ST6GALNAC3: variants seen among roughly 807,000 people sequenced by gnomAD.
ST6GALNAC3 encodes the protein alpha-N-acetylgalactosaminide alpha-2,6-sialyltransferase 3.
ST6GALNAC3 carries 25 observed loss-of-function variants against 32.7 expected under a neutral mutation model. The observed-to-expected ratio is 0.76, with a 90% CI of 0.56 to 1.07. The LOEUF is 1.07. Ranked by LOEUF, ST6GALNAC3 falls within the 50% of genes least tolerant of loss-of-function variation. The probability of loss-of-function intolerance (pLI) is 0.00; values close to 1 mark genes in which losing one functional copy is unlikely to be tolerated. For synonymous variants in ST6GALNAC3, 129 were observed against 133.1 expected (o/e 0.97, Z 0.21); for missense variants, 355 against 382.4 (o/e 0.93, Z 0.60).
At chr1:76,298,324 C>A (rs1159200019) in intron 1 of ST6GALNAC3, among the ~76,000 whole-genome samples, 2 of 151,938 alleles carry the variant, frequency 1.3e-5, no homozygotes, top group Non-Finnish European at 2.9e-5. Flanking sequence ...ATATACTGAA[C>A]AAGAATCCTT....
rs1649157990 is a variant in ST6GALNAC3 at position 76,629,029 on chromosome 1, T to A, written c.*223T>A. ...GATGTTCTTTCTGGAGGTTCAACAC[T>A]ACGTACCGCACTTTATAATTTAACT... is the stretch of plus-strand genomic sequence containing the variant. On this transcript the variant is annotated 3_prime_UTR_variant, in exon 5 of 5. Transcript: ENST00000328299. 11 of 1,342,794 alleles carry A rather than the reference T, an allele frequency of 8.2e-6. No individual in the cohort carries two copies. Among genetic ancestry groups the A allele is most frequent in the Non-Finnish European group, 1.0e-5 (11 of 1,050,692 alleles). The allele number at this position is 1,342,794 out of a possible 1,614,324, so 83.2% of individuals were successfully genotyped here.
At chr1:76,210,927 A>G (rs560278889) in intron 1 of ST6GALNAC3, among the ~76,000 whole-genome samples, 11 of 152,068 alleles carry the variant, frequency 7.2e-5, no homozygotes, top group Non-Finnish European at 1.5e-4. Context: ...TTGTATTTTT[A>G]GTAGAGACAG....
chr1:76,481,809 T>C (rs1358557958), intron 3 of ST6GALNAC3, among the ~76,000 whole-genome samples: 2 of 152,304 alleles, frequency 1.3e-5, no homozygotes, highest in East Asian at 1.9e-4. Flanking sequence ...TCTAAGCATA[T>C]GCAAAAGTTC....
chr1:76,569,459 T>A (rs1665738500), intron 3 of ST6GALNAC3, among the ~76,000 whole-genome samples: 1 of 152,144 alleles, frequency 6.6e-6, no homozygotes, highest in Non-Finnish European at 1.5e-5. Context: ...ACTGCAAAAT[T>A]GGCCAAGGCA....
In ST6GALNAC3 at chr1:76,255,781, G is replaced by A. The variant is rs145310390; in HGVS notation, c.19-58024G>A. ...TAAGGACTTAATCTTTCTCTCTTGC[G>A]TGGGAGGAAAGGATATCTATAACAG... On this transcript the variant is annotated intron_variant, in intron 1 of 4. Coordinates refer to ENST00000328299, the MANE Select transcript of ST6GALNAC3 (RefSeq NM_152996.4). Among the ~76,000 whole-genome samples, 15 of 152,074 alleles carry A rather than the reference G, an allele frequency of 9.9e-5. No homozygotes were observed. In the South Asian group the frequency reaches 2.5e-3, roughly 25 times the overall value.
chr1:76,381,089 G>A (rs1651668317), intron 2 of ST6GALNAC3, among the ~76,000 whole-genome samples: 1 of 150,872 alleles, frequency 6.6e-6, no homozygotes. Flanking sequence ...AGGTTGTGGT[G>A]GAGTAAACCA....
intron 3 of ST6GALNAC3, among the ~76,000 whole-genome samples, chr1:76,571,748 A>G (rs150733143): frequency 6.6e-6 from 1 of 152,208 alleles, no homozygotes; most frequent in East Asian, 1.9e-4. Flanking sequence ...CCTGGTATGT[A>G]CATGTTAACT....
At chr1:76,137,009 A>G (rs1649989467) in intron 1 of ST6GALNAC3, among the ~76,000 whole-genome samples, 1 of 152,228 alleles carries the variant, frequency 6.6e-6, no homozygotes, top group Admixed American at 6.5e-5. Context: ...TTTAAATAAG[A>G]AAGCCAAAAC....
intron 3 of ST6GALNAC3, among the ~76,000 whole-genome samples, chr1:76,480,903 C>T (rs1659681986): frequency 6.6e-6 from 1 of 151,926 alleles, no homozygotes; most frequent in African/African-American, 2.4e-5. Flanking sequence ...CACTAGTTTC[C>T]ATTGCTATTA....
chr1:76,571,355 T>G (rs1269133888), intron 3 of ST6GALNAC3, among the ~76,000 whole-genome samples: 1 of 152,110 alleles, frequency 6.6e-6, no homozygotes, highest in African/African-American at 2.4e-5. Flanking sequence ...CCAAAAAATG[T>G]GAGCTACCTC....
intron 2 of ST6GALNAC3, among the ~76,000 whole-genome samples, chr1:76,314,279 ATC>A (rs1343271040): frequency 6.6e-6 from 1 of 152,120 alleles, no homozygotes; most frequent in African/African-American, 2.4e-5. Flanking sequence ...CAACGTACAT[ATC>A]TCTCCATTTA....
intron 1 of ST6GALNAC3, among the ~76,000 whole-genome samples, chr1:76,132,024 C>G (rs1272343329): frequency 2.0e-5 from 3 of 152,182 alleles, no homozygotes; most frequent in Non-Finnish European, 2.9e-5. Context: ...CAAAAACACA[C>G]AATGCCACCA....
At chr1:76,372,601 A>G (rs555929550) in intron 2 of ST6GALNAC3, among the ~76,000 whole-genome samples, 2 of 152,154 alleles carry the variant, frequency 1.3e-5, no homozygotes, top group African/African-American at 4.8e-5. Context: ...ACTGGTCATA[A>G]CATCATCTAT....
intron 1 of ST6GALNAC3, among the ~76,000 whole-genome samples, chr1:76,304,865 G>C (rs1323230249): frequency 2.0e-5 from 3 of 152,024 alleles, no homozygotes; most frequent in Non-Finnish European, 4.4e-5. Flanking sequence ...GAACACCTTG[G>C]AGGTACGAAT....
intron 2 of ST6GALNAC3, among the ~76,000 whole-genome samples, chr1:76,377,379 C>T (rs1327580868): frequency 6.6e-6 from 1 of 152,004 alleles, no homozygotes; most frequent in Non-Finnish European, 1.5e-5. Flanking sequence ...ACAGGCTCTA[C>T]AGGAAGCATG....
At chr1:76,448,663 A>G (rs1171630566) in intron 3 of ST6GALNAC3, among the ~76,000 whole-genome samples, 2 of 152,124 alleles carry the variant, frequency 1.3e-5, no homozygotes, top group African/African-American at 4.8e-5. Context: ...AATAAGTCTC[A>G]CAAGACCCAA....
intron 1 of ST6GALNAC3, among the ~76,000 whole-genome samples, chr1:76,269,874 C>T (rs890785354): frequency 6.6e-6 from 1 of 152,138 alleles, no homozygotes; most frequent in African/African-American, 2.4e-5. Context: ...TGCTCTTCAG[C>T]GTTGTGACTT....
intron 3 of ST6GALNAC3, among the ~76,000 whole-genome samples, chr1:76,556,892 T>A (rs1664960176): frequency 6.6e-6 from 1 of 152,122 alleles, no homozygotes; most frequent in Non-Finnish European, 1.5e-5. Flanking sequence ...ATTTATCTGT[T>A]TTTTTCTTTT....
intron 3 of ST6GALNAC3, among the ~76,000 whole-genome samples, chr1:76,420,902 C>T (rs1243907331): frequency 9.9e-5 from 15 of 152,012 alleles, no homozygotes; most frequent in Admixed American, 9.9e-4. Context: ...CCCTGAAAAT[C>T]GTAGGGTTAT....
Sources: allele counts gnomAD v4.1 joint callset (sites outside exome capture counted in the v4.1 genomes callset), GRCh38; gene constraint gnomAD v4.1.1; transcripts MANE v1.5; gene names NCBI Gene and HGNC (gene_info 2026-07-23, HGNC 2026-07-21).